The following CDH12 variants were observed in gnomAD, a reference collection of about 807,000 sequenced individuals.
CDH12 encodes cadherin-12.
A neutral mutation model predicts 74.1 loss-of-function variants in CDH12; 41 were observed. The observed-to-expected ratio is 0.55, with a 90% CI of 0.43 to 0.72. The LOEUF is 0.72. Among genes scored for constraint, CDH12 ranks in the 30% least tolerant of loss-of-function variants. The pLI, the probability that CDH12 is intolerant of heterozygous loss-of-function variation, is 0.00. For missense variants in CDH12, 945 were observed against 977.2 expected (o/e 0.97, Z 0.44); for synonymous variants, 399 against 355.0 (o/e 1.12, Z -1.39).
chr5:22,668,068 C>A (rs1184706854), intron 1 of CDH12, among the ~76,000 whole-genome samples: 10 of 152,250 alleles, frequency 6.6e-5, no homozygotes, highest in African/African-American at 2.4e-5. Context: ...ACCACTTTGT[C>A]ATTTTTTCAA....
At chr5:22,159,841 T>C (rs1748224541) in intron 4 of CDH12, among the ~76,000 whole-genome samples, 1 of 152,170 alleles carries the variant, frequency 6.6e-6, no homozygotes, top group South Asian at 2.1e-4. Context: ...AAGATCAAAA[T>C]TATTACTCCT....
chr5:21,917,686 A>G (rs960237478), intron 6 of CDH12, among the ~76,000 whole-genome samples: 9 of 152,196 alleles, frequency 5.9e-5, no homozygotes, highest in Non-Finnish European at 1.2e-4. Context: ...CGTCCTTTCA[A>G]TGAAACGCTG....
intron 1 of CDH12, among the ~76,000 whole-genome samples, chr5:22,766,738 AT>A (rs1315273599): frequency 1.3e-5 from 2 of 152,086 alleles, no homozygotes; most frequent in East Asian, 3.8e-4. Context: ...TTTTCTTGTC[AT>A]TGTTCCCTAA....
At chr5:22,688,024 A>C (rs1741901107) in intron 1 of CDH12, among the ~76,000 whole-genome samples, 1 of 152,104 alleles carries the variant, frequency 6.6e-6, no homozygotes, top group Non-Finnish European at 1.5e-5. Flanking sequence ...GTCTATGAGA[A>C]TAGAAAGCAC....
chr5:21,805,312 T>A (rs972027199), intron 9 of CDH12, among the ~76,000 whole-genome samples: 2 of 152,178 alleles, frequency 1.3e-5, no homozygotes, highest in Admixed American at 1.3e-4. Flanking sequence ...CTAGATAATC[T>A]TGACTCTCTA....
chr5:22,321,495 G>A (rs1452505650), intron 3 of CDH12, among the ~76,000 whole-genome samples: 1 of 127,674 alleles, frequency 7.8e-6, no homozygotes, highest in East Asian at 2.4e-4. Context: ...GGACTGTTGT[G>A]GGGTGGGGGG....
intron 3 of CDH12, among the ~76,000 whole-genome samples, chr5:22,340,157 A>G (rs1739780894): frequency 6.6e-6 from 1 of 152,190 alleles, no homozygotes; most frequent in African/African-American, 2.4e-5. Flanking sequence ...CACTTCAGAA[A>G]AATGCTTTTT....
chr5:22,795,586 A>C (rs1323152177), intron 1 of CDH12, among the ~76,000 whole-genome samples: 3 of 135,010 alleles, frequency 2.2e-5, no homozygotes, highest in South Asian at 2.5e-4. Context: ...ATATATACAT[A>C]TATATTATAC....
rs551399675 is a variant in CDH12 at position 22,720,484 on chromosome 5, C to T, written c.-523+132574G>A. Among the ~76,000 whole-genome samples the T allele has an allele frequency of 4.6e-5, 7 of 152,140 alleles. No homozygotes were observed. In the East Asian group the frequency reaches 7.7e-4, roughly 17 times the overall value. ...TAGCAGCGTGAAAATGAACTAATAT[C>T]GGAAATTGGTGCTGCAGAGAGTGGG... On this transcript the variant is annotated intron_variant, in intron 1 of 14. Transcript: ENST00000382254.
intron 2 of CDH12, among the ~76,000 whole-genome samples, chr5:22,444,932 C>T (rs1367077467): frequency 2.0e-5 from 3 of 151,880 alleles, no homozygotes; most frequent in Admixed American, 1.3e-4. Context: ...CTCCAGAAGA[C>T]ATATTTTTCT....
intron 3 of CDH12, among the ~76,000 whole-genome samples, chr5:22,302,830 A>C (rs12186892): frequency 0.34 from 51,540 of 151,874 alleles, 9,233 homozygotes; most frequent in East Asian, 0.48. Flanking sequence ...TGTTAAGTGC[A>C]CTAGGAACGT....
At chr5:21,842,716 G>A (rs1749941579) in intron 7 of CDH12, among the ~76,000 whole-genome samples, 1 of 152,144 alleles carries the variant, frequency 6.6e-6, no homozygotes, top group Admixed American at 6.6e-5. Context: ...GTTGAAATGA[G>A]TATGCAATTT....
intron 6 of CDH12, among the ~76,000 whole-genome samples, chr5:21,929,997 C>T (rs148801419): frequency 1.3e-3 from 198 of 152,240 alleles, no homozygotes; most frequent in African/African-American, 4.5e-3. Flanking sequence ...TTCTGAAGGG[C>T]AGCACAACTC....
intron 3 of CDH12, among the ~76,000 whole-genome samples, chr5:22,371,916 T>C (rs977752548): frequency 1.3e-5 from 2 of 152,210 alleles, no homozygotes; most frequent in African/African-American, 4.8e-5. Flanking sequence ...TCCTTTATTC[T>C]CAAAGGTTTG....
chr5:21,798,261 G>A (rs2149917230), intron 10 of CDH12, among the ~76,000 whole-genome samples: 3 of 151,666 alleles, frequency 2.0e-5, no homozygotes, highest in Admixed American at 2.0e-4. Flanking sequence ...GTGTGTGTGT[G>A]TGTGTGTGTG....
At chr5:22,020,921 T>C (rs1737931041) in intron 5 of CDH12, among the ~76,000 whole-genome samples, 1 of 151,998 alleles carries the variant, frequency 6.6e-6, no homozygotes, top group Non-Finnish European at 1.5e-5. Context: ...TATTAAACAA[T>C]CTTAACATTT....
chr5:22,552,009 T>C (rs1288343565), intron 1 of CDH12, among the ~76,000 whole-genome samples: 2 of 152,180 alleles, frequency 1.3e-5, no homozygotes, highest in Non-Finnish European at 2.9e-5. Context: ...TCTCTTTAAA[T>C]GTAAGTAATA....
intron 5 of CDH12, among the ~76,000 whole-genome samples, chr5:22,031,537 A>G (rs1221923972): frequency 1.3e-5 from 2 of 152,168 alleles, no homozygotes; most frequent in Non-Finnish European, 2.9e-5. Flanking sequence ...CTGCACAAGA[A>G]GCCTACCTTT....
intron 1 of CDH12, among the ~76,000 whole-genome samples, chr5:22,698,718 TATATATATATATATATA>T (rs1561585958): frequency 6.7e-4 from 10 of 14,848 alleles, no homozygotes; most frequent in East Asian, 3.5e-3. Context: ...TATATATATA[TATATATATATATATATA>T]GTGTGTGTGT....
Sources: gnomAD v4.1 joint callset for allele counts (sites outside exome capture counted in the v4.1 genomes callset) on GRCh38, gnomAD v4.1.1 for gene constraint, MANE v1.5 for transcripts, NCBI Gene and HGNC (gene_info 2026-07-23, HGNC 2026-07-21) for gene names.